The following NAV1 variants were observed in gnomAD, a reference collection of about 807,000 sequenced individuals.
NAV1 encodes neuron navigator 1, also known as pore membrane and/or filament interacting like protein 3.
A neutral mutation model predicts 175.2 loss-of-function variants in NAV1; 18 were observed. The ratio of observed to expected loss-of-function variants is 0.10; its 90% CI spans 0.07 to 0.15. The LOEUF (loss-of-function observed/expected upper bound fraction) is 0.15, where lower values mean the gene tolerates loss of function less well. Among genes scored for constraint, NAV1 ranks in the 10% least tolerant of loss-of-function variants. The pLI, the probability that NAV1 is intolerant of heterozygous loss-of-function variation, is 1.00. For missense variants in NAV1, 1,731 were observed against 2,436.6 expected (o/e 0.71, Z 6.10); for synonymous variants, 897 against 978.7 (o/e 0.92, Z 1.56).
At position 201,718,753 on chromosome 1, in the gene NAV1, C is replaced by T. The variant is rs372906099; in HGVS notation, c.1224C>T (p.Thr408=). ...TGACGGAGGATGATGACATCACTACCGGGTAAGCGCAGGGGCTTCTTGGAT... is the reference window on the plus strand; with the variant it reads ...TGACGGAGGATGATGACATCACTACTGGGTAAGCGCAGGGGCTTCTTGGAT... Residue 408 remains threonine, a splice_region_variant and synonymous_variant, in exon 3 of 30, where the codon ACC becomes ACT. Transcript: ENST00000367296. This position sits in a 1 kb window ranked among gnomAD's most constrained non-coding sequence, Gnocchi z 4.8. 266 of 1,603,344 alleles carry T rather than the reference C, an allele frequency of 1.7e-4. No individual in the cohort carries two copies. Among genetic ancestry groups the T allele is most frequent in the Non-Finnish European group, 2.1e-4 (246 of 1,171,890 alleles).
chr1:201,656,797 G>A (rs1571866924), intron 1 of NAV1, among the ~76,000 whole-genome samples: 1 of 152,220 alleles, frequency 6.6e-6, no homozygotes, highest in Non-Finnish European at 1.5e-5. Flanking sequence ...TCTGAAATAT[G>A]ACCCTGGTGG....
chr1:201,656,943 C>G (rs377364135), intron 1 of NAV1, among the ~76,000 whole-genome samples: 4 of 152,150 alleles, frequency 2.6e-5, no homozygotes, highest in African/African-American at 9.7e-5. Context: ...CCTTGGTGAC[C>G]CACTAACCAG....
chr1:201,615,674 C>T (rs1285194438), intron 2 of NAV1, among the ~76,000 whole-genome samples: 4 of 152,206 alleles, frequency 2.6e-5, no homozygotes, highest in African/African-American at 4.8e-5. Flanking sequence ...ATTGCAGATG[C>T]GGACTCTGGG....
chr1:201,616,088 A>G (rs973991591), intron 2 of NAV1, among the ~76,000 whole-genome samples: 4 of 152,056 alleles, frequency 2.6e-5, no homozygotes, highest in Admixed American at 1.3e-4. Context: ...TGTTCTAAGC[A>G]CTTTCTGTTC....
In NAV1 at chr1:201,694,059, GGACACACACAGACATCAATTCAGTCAA is replaced by G. The variant is rs1286167293; in HGVS notation, c.758-18754_758-18728del. Among the ~76,000 whole-genome samples the G allele has an allele frequency of 2.0e-5, 3 of 152,174 alleles. No individual in the cohort carries two copies. Among genetic ancestry groups the G allele is most frequent in the Admixed American group, 1.3e-4 (2 of 15,286 alleles). On this transcript the variant is annotated intron_variant, in intron 1 of 29. Transcript: ENST00000367296. This position sits in a 1 kb window ranked among gnomAD's most constrained non-coding sequence, Gnocchi z 4.2. ...CAGTTTGGCTTCCTGGTGGGGGAGG[GGACACACACAGACATCAATTCAGTCAA>G]GACTCTGCTCACGCCTGTCCCCAGG...
chr1:201,823,370 G>GTA (rs4025038), exon 30 of NAV1: 66,526 of 151,818 alleles, frequency 0.44, 15,816 homozygotes, highest in Non-Finnish European at 0.55. Context: ...CTGCGTGTGT[G>GTA]TGTGTGTGTG....
At chr1:201,764,320 G>A (rs762631914) in intron 3 of NAV1, among the ~76,000 whole-genome samples, 2 of 152,128 alleles carry the variant, frequency 1.3e-5, no homozygotes, top group East Asian at 1.9e-4. Context: ...TCACAGTTCC[G>A]AAGCCCAGCA....
At chr1:201,624,042 G>A (rs1040127097) in intron 1 of NAV1, among the ~76,000 whole-genome samples, 5 of 151,872 alleles carry the variant, frequency 3.3e-5, no homozygotes, top group African/African-American at 7.3e-5. Flanking sequence ...TGGGCACTGC[G>A]CCTTTACTTA....
intron 1 of NAV1, among the ~76,000 whole-genome samples, chr1:201,563,577 T>C (rs965074612): frequency 6.6e-6 from 1 of 152,146 alleles, no homozygotes; most frequent in Non-Finnish European, 1.5e-5. Flanking sequence ...GCTTGAGTTC[T>C]GGGCCTGATA....
chr1:201,700,470 C>T (rs187864714), intron 1 of NAV1, among the ~76,000 whole-genome samples: 20 of 152,262 alleles, frequency 1.3e-4, no homozygotes, highest in Admixed American at 5.2e-4. Flanking sequence ...GAAATAGGAA[C>T]GCTTTTACAC....
At chr1:201,724,148 G>A (rs1365373619) in intron 3 of NAV1, 2 of 152,150 alleles carry the variant, frequency 1.3e-5, no homozygotes, top group African/African-American at 4.8e-5. Flanking sequence ...TCATGACACT[G>A]CAGACAACTT....
intron 1 of NAV1, among the ~76,000 whole-genome samples, chr1:201,557,833 G>C (rs140378562): frequency 2.0e-5 from 3 of 152,284 alleles, no homozygotes; most frequent in African/African-American, 7.2e-5. Flanking sequence ...GTAGTTTCTG[G>C]AGTTGGCTGT....
intron 1 of NAV1, among the ~76,000 whole-genome samples, chr1:201,690,885 G>A (rs1344124817): frequency 6.6e-6 from 1 of 152,204 alleles, no homozygotes; most frequent in Non-Finnish European, 1.5e-5. Context: ...TTACACATGG[G>A]TACGAGATTT....
In NAV1 at chr1:201,633,418, G is replaced by T. The variant is rs374856243; in HGVS notation, c.4+3911G>T. Among the ~76,000 whole-genome samples, 52 of 152,308 alleles carry T rather than the reference G, an allele frequency of 3.4e-4. 2 individuals carry two copies. In the East Asian group the frequency reaches 4.2e-3, roughly 12 times the overall value. On this transcript the variant is annotated intron_variant, in intron 2 of 29. Transcript: ENST00000367302. ...TATAAAACCTGTCTGAGGACATCCA[G>T]CTAGGAGGCTGTGCCAGGATTCCAT...
At chr1:201,768,911 T>A (rs994988078) in intron 3 of NAV1, among the ~76,000 whole-genome samples, 2 of 152,152 alleles carry the variant, frequency 1.3e-5, no homozygotes, top group Non-Finnish European at 2.9e-5. Flanking sequence ...AAGAAAGCTA[T>A]GGAAAATTTC....
chr1:201,664,767 A>G (rs1257259081), intron 1 of NAV1, among the ~76,000 whole-genome samples: 1 of 152,054 alleles, frequency 6.6e-6, no homozygotes, highest in Non-Finnish European at 1.5e-5. Flanking sequence ...GTTCTTCCTG[A>G]GTCCTCTATT....
chr1:201,635,102 G>A (rs1233669247), intron 2 of NAV1, among the ~76,000 whole-genome samples: 4 of 152,036 alleles, frequency 2.6e-5, no homozygotes, highest in South Asian at 2.1e-4. Flanking sequence ...GCAGTGGCAC[G>A]ATCTCAGCTC....
intron 1 of NAV1, among the ~76,000 whole-genome samples, chr1:201,567,142 G>A (rs972555033): frequency 5.9e-5 from 9 of 151,888 alleles, no homozygotes; most frequent in African/African-American, 1.4e-4. Context: ...ACTGGGTGGC[G>A]GTTGGAAATC....
At chr1:201,571,943 AG>A (rs1047073429) in intron 1 of NAV1, among the ~76,000 whole-genome samples, 78 of 152,358 alleles carry the variant, frequency 5.1e-4, no homozygotes, top group African/African-American at 1.9e-3. Context: ...AATAGCGGAA[AG>A]GGGAATACCT....
Sources: gnomAD v4.1 joint callset for allele counts (sites outside exome capture counted in the v4.1 genomes callset) on GRCh38, gnomAD v4.1.1 for gene constraint, Gnocchi (gnomAD v3.1) non-coding constraint, MANE v1.5 for transcripts, NCBI Gene and HGNC (gene_info 2026-07-23, HGNC 2026-07-21) for gene names.